STAG1: variants seen among roughly 807,000 people sequenced by gnomAD.
STAG1 encodes the protein STAG1 cohesin complex component.
STAG1 carries 26 observed loss-of-function variants against 170.9 expected under a neutral mutation model. The ratio of observed to expected loss-of-function variants is 0.15; its 90% confidence interval spans 0.11 to 0.21. STAG1 has a LOEUF of 0.21. Ranked by LOEUF, STAG1 falls within the 10% of genes least tolerant of loss-of-function variation. The pLI is 1.00. For synonymous variants in STAG1, 514 were observed against 497.7 expected (o/e 1.03, Z -0.44); for missense variants, 964 against 1,509.5 (o/e 0.64, Z 5.99).
At chr3:136,571,911 G>A (rs867948682) in intron 4 of STAG1, among the ~76,000 whole-genome samples, 3 of 151,990 alleles carry the variant, frequency 2.0e-5, no homozygotes, top group Middle Eastern at 3.2e-3. Context: ...GGCTGGGCAC[G>A]GTGGCTCACG....
At chr3:136,506,473 A>T (rs1039879771) in intron 7 of STAG1, among the ~76,000 whole-genome samples, 1 of 135,988 alleles carries the variant, frequency 7.4e-6, no homozygotes, top group Non-Finnish European at 1.6e-5. Flanking sequence ...TCTACTAAAA[A>T]TACAAAAAAA....
At chr3:136,679,881 G>T (rs541321761) in intron 1 of STAG1, among the ~76,000 whole-genome samples, 1 of 150,640 alleles carries the variant, frequency 6.6e-6, no homozygotes, top group Non-Finnish European at 1.5e-5. Flanking sequence ...CAGCCTGAGC[G>T]ACAGAGTGAG....
intron 25 of STAG1, among the ~76,000 whole-genome samples, chr3:136,364,077 T>C (rs1345275141): frequency 1.4e-5 from 2 of 146,728 alleles, no homozygotes; most frequent in African/African-American, 5.1e-5. Flanking sequence ...TTCTTGTTTT[T>C]TGTTTTTGCT....
At chr3:136,457,933 CAAAAACA>C (rs1173888546) in intron 13 of STAG1, among the ~76,000 whole-genome samples, 6 of 151,632 alleles carry the variant, frequency 4.0e-5, no homozygotes, top group African/African-American at 1.5e-4. Flanking sequence ...CTTGTCTCTA[CAAAAACA>C]AAAAACAAAC....
At chr3:136,550,895 G>A (rs1576596994) in intron 5 of STAG1, among the ~76,000 whole-genome samples, 1 of 152,198 alleles carries the variant, frequency 6.6e-6, no homozygotes, top group East Asian at 1.9e-4. Context: ...AGGGTTTATG[G>A]ATTTTTGGAA....
intron 4 of STAG1, chr3:136,587,046 A>G (rs1468737248): frequency 5.7e-6 from 2 of 353,650 alleles, no homozygotes; most frequent in African/African-American, 2.1e-5. Context: ...ATTGTCTATC[A>G]TGATAAGCTA....
chr3:136,548,990 A>G (rs1242324843), intron 5 of STAG1, among the ~76,000 whole-genome samples: 1 of 152,066 alleles, frequency 6.6e-6, no homozygotes, highest in Non-Finnish European at 1.5e-5. Context: ...CCATGATTGT[A>G]CGTTTCCTGA....
rs1338640211 is a variant in STAG1, at chr3:136,680,982, CAT to C, written c.-83-50003_-83-50002del. On this transcript the variant is annotated intron_variant, in intron 1 of 33. Coordinates refer to ENST00000383202, the MANE Select transcript of STAG1 (RefSeq NM_005862.3). Reference sequence around the variant, plus strand: ...TGCATATATCCTACAAACATCTGTCCATATATTTTAAAATCATTCTTGCAACC... The same window carrying C: ...TGCATATATCCTACAAACATCTGTCCATATTTTAAAATCATTCTTGCAACC... Among the ~76,000 whole-genome samples, 8 of 150,910 alleles carry C rather than the reference CAT, an allele frequency of 5.3e-5. No individual in the cohort carries two copies. The South Asian group carries it at 1.7e-3, about 32-fold the overall frequency.
intron 1 of STAG1, among the ~76,000 whole-genome samples, chr3:136,680,041 G>C (rs17466223): frequency 0.079 from 11,982 of 152,122 alleles, 489 homozygotes; most frequent in Non-Finnish European, 0.094. Context: ...ACAACATGAA[G>C]CATTCATTAT....
chr3:136,527,804 G>A (rs929380331), intron 6 of STAG1, among the ~76,000 whole-genome samples: 1 of 152,146 alleles, frequency 6.6e-6, no homozygotes, highest in Non-Finnish European at 1.5e-5. Context: ...CCTTCTTACA[G>A]TCAAGACCCT....
At chr3:136,548,658 G>C (rs1936260459) in intron 5 of STAG1, among the ~76,000 whole-genome samples, 1 of 152,104 alleles carries the variant, frequency 6.6e-6, no homozygotes, top group South Asian at 2.1e-4. Flanking sequence ...CCAATTCATG[G>C]ATGTCTTTCC....
At chr3:136,522,589 C>T (rs1037026113) in intron 6 of STAG1, among the ~76,000 whole-genome samples, 1 of 152,030 alleles carries the variant, frequency 6.6e-6, no homozygotes, top group Admixed American at 6.6e-5. Context: ...TTTCACTCTA[C>T]TTTTAGTTCT....
intron 22 of STAG1, among the ~76,000 whole-genome samples, chr3:136,391,455 C>G (rs888782345): frequency 6.7e-6 from 1 of 149,934 alleles, no homozygotes; most frequent in Non-Finnish European, 1.5e-5. Flanking sequence ...TGGCTCACTG[C>G]AACCTCCGCC....
chr3:136,473,648 A>G lies in STAG1; in HGVS notation c.1027-11T>C, dbSNP rs894906459. 2 of 1,602,906 alleles carry G rather than the reference A, an allele frequency of 1.2e-6. No homozygotes were observed. Among genetic ancestry groups the G allele is most frequent in the African/African-American group, 2.7e-5 (2 of 74,630 alleles). Reference sequence around the variant, plus strand: ...CCTGACTTCCCCTTGCTTCAGAAATACAAATAAAAGCACAACAGAAGGAGT... The same window carrying G: ...CCTGACTTCCCCTTGCTTCAGAAATGCAAATAAAAGCACAACAGAAGGAGT... On this transcript the variant is annotated splice_polypyrimidine_tract_variant and intron_variant, in intron 10 of 33. Coordinates refer to ENST00000383202, the MANE Select transcript of STAG1 (RefSeq NM_005862.3).
chr3:136,636,260 AG>A (rs1940553815), intron 1 of STAG1, among the ~76,000 whole-genome samples: 1 of 152,018 alleles, frequency 6.6e-6, no homozygotes, highest in South Asian at 2.1e-4. Flanking sequence ...AAAAAAAAAA[AG>A]AAAGAAAAGA....
intron 5 of STAG1, among the ~76,000 whole-genome samples, chr3:136,556,843 A>G (rs992229399): frequency 1.3e-5 from 2 of 152,084 alleles, no homozygotes; most frequent in Non-Finnish European, 2.9e-5. Flanking sequence ...TCAACCTCCC[A>G]AAGTGTTGGG....
intron 1 of STAG1, among the ~76,000 whole-genome samples, chr3:136,646,174 C>T (rs1046864964): frequency 6.6e-6 from 1 of 152,144 alleles, no homozygotes; most frequent in African/African-American, 2.4e-5. Flanking sequence ...TCAATCTACA[C>T]ATGAATGATT....
At chr3:136,391,734 G>T (rs1349334394) in intron 22 of STAG1, among the ~76,000 whole-genome samples, 1 of 152,144 alleles carries the variant, frequency 6.6e-6, no homozygotes, top group East Asian at 1.9e-4. Flanking sequence ...ATGTCCAGAA[G>T]GAGCTGAAGG....
intron 3 of STAG1, among the ~76,000 whole-genome samples, chr3:136,604,710 G>A (rs1938851238): frequency 6.6e-6 from 1 of 152,076 alleles, no homozygotes; most frequent in African/African-American, 2.4e-5. Flanking sequence ...GAGTGCAGTG[G>A]CACTCTCTTA....
Sources: gnomAD v4.1 joint callset for allele counts (sites outside exome capture counted in the v4.1 genomes callset) on GRCh38, gnomAD v4.1.1 for gene constraint, MANE v1.5 for transcripts, NCBI Gene and HGNC (gene_info 2026-07-23, HGNC 2026-07-21) for gene names.